The following PRRG1 variants were observed in gnomAD, a reference collection of about 807,000 sequenced individuals.
PRRG1 encodes the protein transmembrane gamma-carboxyglutamic acid protein 1.
PRRG1 carries 5 observed loss-of-function variants against 11.8 expected under a neutral mutation model. The ratio of observed to expected loss-of-function variants is 0.42; its 90% CI spans 0.22 to 0.89. The LOEUF is 0.89. Among genes scored for constraint, PRRG1 ranks in the 40% least tolerant of loss-of-function variants. The pLI, the probability that PRRG1 is intolerant of heterozygous loss-of-function variation, is 0.28. For missense variants in PRRG1, 155 were observed against 166.1 expected (o/e 0.93, Z 0.37); for synonymous variants, 66 against 60.4 (o/e 1.09, Z -0.43).
intron 1 of PRRG1, among the ~76,000 whole-genome samples, chrX:37,401,385 A>G (rs1346527571): frequency 9.0e-6 from 1 of 111,460 alleles, no homozygotes; most frequent in Admixed American, 9.5e-5. Context: ...GACAAAAACC[A>G]CATGATTATC....
At chrX:37,398,231 C>CA (rs1556378861) in intron 1 of PRRG1, among the ~76,000 whole-genome samples, 2 of 111,418 alleles carry the variant, frequency 1.8e-5, no homozygotes, top group African/African-American at 6.5e-5. Context: ...GGCACCCCCC[C>CA]AGTAGGGGCG....
intron 1 of PRRG1, among the ~76,000 whole-genome samples, chrX:37,371,631 A>G (rs886941755): frequency 3.6e-5 from 4 of 112,568 alleles, no homozygotes; most frequent in Admixed American, 9.3e-5. Context: ...GGCATTTCCA[A>G]GCTTCTGGGT....
intron 1 of PRRG1, among the ~76,000 whole-genome samples, chrX:37,399,505 C>A (rs1413401301): frequency 8.6e-4 from 95 of 110,795 alleles, no homozygotes; most frequent in Non-Finnish European, 1.5e-3. Flanking sequence ...AAGGAACAAC[C>A]AGTACCAGCC....
chrX:37,430,340 A>G (rs112180343), intron 3 of PRRG1, among the ~76,000 whole-genome samples: 1 of 112,207 alleles, frequency 8.9e-6, no homozygotes, highest in Non-Finnish European at 1.9e-5. Context: ...AAACATATAG[A>G]CATGTATGCA....
chrX:37,427,838 TGTTTTCATGCTGCTGATA>T (rs1190171386), intron 3 of PRRG1, among the ~76,000 whole-genome samples: 1 of 111,848 alleles, frequency 8.9e-6, no homozygotes, highest in East Asian at 2.8e-4. Context: ...TGTATTAGTC[TGTTTTCATGCTGCTGATA>T]AAAGACATAC....
chrX:37,371,936 C>A (rs1244718506), intron 1 of PRRG1, among the ~76,000 whole-genome samples: 1 of 113,153 alleles, frequency 8.8e-6, no homozygotes, highest in Non-Finnish European at 1.9e-5. Flanking sequence ...AAAACTCAGG[C>A]AAAGATGCCA....
Position 37,453,282 on chromosome X carries a change from A to G in PRRG1, c.318A>G (p.Leu106=). 8.3e-7 allele frequency: 1 copy of G among 1,209,798 alleles called. No homozygotes were observed. Among genetic ancestry groups the G allele is most frequent in the East Asian group, 3.0e-5 (1 of 33,822 alleles). ...LVIFLIWRCF[L]RNKTRRQTVT... The stretch of plus-strand genomic sequence containing the variant: ...TTTTCCTAATCTGGAGATGCTTCCT[A>G]AGAAACAAAACTCGTAGACAGACAG... The change falls in exon 4 of 4, where the codon CTA becomes CTG. Residue 106 remains leucine (L), a synonymous_variant. Transcript: ENST00000378628.
chrX:37,408,155 G>C, intron 2 of PRRG1, among the ~76,000 whole-genome samples: 1 of 112,012 alleles, frequency 8.9e-6, no homozygotes. Flanking sequence ...TAGTGATACG[G>C]CTCCAATGAC....
chrX:37,420,671 AAAAAAAAAAAAAAAAAG>A (rs1411454395), intron 2 of PRRG1, among the ~76,000 whole-genome samples: 2 of 101,411 alleles, frequency 2.0e-5, no homozygotes, highest in African/African-American at 7.9e-5. Flanking sequence ...GTCTATGCAA[AAAAAAAAAAAAAAAAAG>A]AAAAGAAAGA....
At chrX:37,357,716 T>A (rs1277321621) in intron 1 of PRRG1, among the ~76,000 whole-genome samples, 1 of 112,054 alleles carries the variant, frequency 8.9e-6, no homozygotes, top group Admixed American at 9.4e-5. Flanking sequence ...AACCATAGCA[T>A]GTATAGGAGT....
rs935931788 is a variant in PRRG1, at chrX:37,456,087, T to C, written c.*2466T>C. The C allele has an allele frequency of 9.8e-5, 11 of 112,591 alleles. No homozygotes were observed. The highest frequency in any genetic ancestry group is 1.9e-4 in the Non-Finnish European group (10 of 53,338). 9.3% of individuals were successfully genotyped at this position (112,591 alleles called of 1,213,427 possible). ...GAAAATATGGCCATTTTTCATAAAA[T>C]GTTATTTGTGTTAGCATGTAATGGG... On this transcript the variant is annotated 3_prime_UTR_variant, in exon 4 of 4. Coordinates refer to ENST00000378628, the MANE Select transcript of PRRG1 (RefSeq NM_001142395.2).
At position 37,456,798 on chromosome X, in the gene PRRG1, T is replaced by C. The variant is rs1211970979; in HGVS notation, c.*3177T>C. On this transcript the variant is annotated 3_prime_UTR_variant, in exon 4 of 4. Transcript: ENST00000378628. ...CCTTTGATTGTTTTTTAAAAGTTTA[T>C]TTTTACAGAATATATTTAGTACCTT... is the stretch of plus-strand genomic sequence containing the variant. 1 of 112,177 alleles carries C rather than the reference T, an allele frequency of 8.9e-6. No individual in the cohort carries two copies. The highest frequency in any genetic ancestry group is 3.2e-5 in the African/African-American group (1 of 30,866). The allele number at this position is 112,177 out of a possible 1,213,427, so 9.2% of individuals were successfully genotyped here.
At chrX:37,367,117 T>C (rs1276789550) in intron 1 of PRRG1, among the ~76,000 whole-genome samples, 1 of 111,997 alleles carries the variant, frequency 8.9e-6, no homozygotes, top group Non-Finnish European at 1.9e-5. Context: ...TAAGCATCTG[T>C]AAAACATTTC....
At chrX:37,383,965 T>C (rs2146545187) in intron 1 of PRRG1, among the ~76,000 whole-genome samples, 1 of 109,278 alleles carries the variant, frequency 9.2e-6, no homozygotes, top group African/African-American at 3.3e-5. Context: ...TAAAATTTAA[T>C]CGGTAAACTA....
At chrX:37,384,935 CTACACCCAACAGAAATAGAAATATAGGCA>C (rs1412532267) in intron 1 of PRRG1, among the ~76,000 whole-genome samples, 4 of 111,474 alleles carry the variant, frequency 3.6e-5, no homozygotes, top group Admixed American at 9.6e-5. Context: ...AATTCTACTT[CTACACCCAACAGAAATAGAAATATAGGCA>C]TACACCCAAC....
At chrX:37,360,924 A>G (rs1034082504) in intron 1 of PRRG1, among the ~76,000 whole-genome samples, 8 of 112,754 alleles carry the variant, frequency 7.1e-5, no homozygotes, top group African/African-American at 9.7e-5. Context: ...CACCTTTGGT[A>G]TGTAAGGGGT....
At chrX:37,411,256 C>A (rs184024692) in intron 2 of PRRG1, among the ~76,000 whole-genome samples, 76 of 112,012 alleles carry the variant, frequency 6.8e-4, no homozygotes, top group African/African-American at 2.3e-3. Context: ...AGGTTATATG[C>A]AACTACTATG....
intron 1 of PRRG1, among the ~76,000 whole-genome samples, chrX:37,391,217 T>A (rs1712905703): frequency 8.9e-6 from 1 of 111,867 alleles, no homozygotes; most frequent in Non-Finnish European, 1.9e-5. Context: ...TTTTATTTAA[T>A]CATTTCATCT....
At chrX:37,430,688 G>T (rs1330894073) in intron 3 of PRRG1, among the ~76,000 whole-genome samples, 4 of 111,100 alleles carry the variant, frequency 3.6e-5, no homozygotes, top group Non-Finnish European at 7.6e-5. Flanking sequence ...ATACATTGAG[G>T]TCCCATGCAG....
Sources: gnomAD v4.1 joint callset for allele counts (sites outside exome capture counted in the v4.1 genomes callset) on GRCh38, gnomAD v4.1.1 for gene constraint, MANE v1.5 for transcripts, NCBI Gene and HGNC (gene_info 2026-07-23, HGNC 2026-07-21) for gene names.